PHC3: variants seen among roughly 807,000 people sequenced by gnomAD.
PHC3 encodes polyhomeotic-like protein 3.
PHC3 carries 13 observed loss-of-function variants against 107.4 expected under a neutral mutation model. The observed-to-expected ratio is 0.12, with a 90% CI of 0.08 to 0.19. The LOEUF is 0.19. Ranked by LOEUF, PHC3 falls within the 10% of genes least tolerant of loss-of-function variation. PHC3 has a pLI of 1.00. For missense variants in PHC3, 992 were observed against 1,210.9 expected, an observed-to-expected ratio of 0.82 and a Z score of 2.68; for synonymous variants, 456 against 427.4, an observed-to-expected ratio of 1.07 and a Z score of -0.83.
In PHC3 at chr3:170,119,850, C is replaced by T. The variant is rs182346210; in HGVS notation, c.1943-2374G>A. Among the ~76,000 whole-genome samples, 689 of 151,258 alleles carry T rather than the reference C, an allele frequency of 4.6e-3. 3 individuals carry two copies. Among genetic ancestry groups the T allele is most frequent in the African/African-American group, 0.016 (660 of 40,992 alleles). On this transcript the variant is annotated intron_variant, in intron 9 of 14. Coordinates refer to ENST00000495893, the MANE Select transcript of PHC3 (RefSeq NM_024947.4). ...TACTGTAAAAAAAAAAAAAATCAAC[C>T]TGTGCTTTAGTTCCCCCTCAAATAT...
At position 170,087,720 on chromosome 3, in the gene PHC3, TACA is replaced by T; in HGVS notation, c.*9507_*9509del. The stretch of plus-strand genomic sequence containing the variant: ...CATCCAGACCCACATGAAGCAATGT[TACA>T]ACAATATTCTATATGAAAATGTGCA... On this transcript the variant is annotated 3_prime_UTR_variant, in exon 15 of 15. Coordinates refer to ENST00000495893, the MANE Select transcript of PHC3 (RefSeq NM_024947.4). The T allele has an allele frequency of 6.6e-6, 1 of 152,288 alleles. No homozygotes were observed. Among genetic ancestry groups the T allele is most frequent in the African/African-American group, 2.4e-5 (1 of 41,570 alleles). 9.4% of individuals were successfully genotyped at this position (152,288 alleles called of 1,614,324 possible).
intron 14 of PHC3, among the ~76,000 whole-genome samples, chr3:170,100,429 G>A (rs778818056): frequency 2.0e-5 from 3 of 152,172 alleles, no homozygotes; most frequent in Non-Finnish European, 4.4e-5. Context: ...TGTGAGAAAG[G>A]TGATACAACT....
rs976494858 is a variant in PHC3, at chr3:170,118,475, G to A, written c.1943-999C>T. ...CACCCAGGCTGGAGTGCAGTGGCACGATCTCGGCTCACTGCAAGCTCTGCC... is the reference window on the plus strand; with the variant it reads ...CACCCAGGCTGGAGTGCAGTGGCACAATCTCGGCTCACTGCAAGCTCTGCC... On this transcript the variant is annotated intron_variant, in intron 9 of 14. Transcript: ENST00000495893. Among the ~76,000 whole-genome samples the A allele has an allele frequency of 3.3e-5, 5 of 152,222 alleles. No homozygotes were observed. The East Asian group carries it at 5.8e-4, about 18-fold the overall frequency.
At chr3:170,154,603 CAG>C (rs1413183337) in intron 4 of PHC3, among the ~76,000 whole-genome samples, 2 of 152,100 alleles carry the variant, frequency 1.3e-5, no homozygotes, top group Non-Finnish European at 2.9e-5. Context: ...AAAGTACAAA[CAG>C]AATGCTTTTA....
chr3:170,126,266 T>TA (rs889528514), intron 8 of PHC3, among the ~76,000 whole-genome samples: 17 of 151,568 alleles, frequency 1.1e-4, no homozygotes, highest in East Asian at 3.9e-4. Flanking sequence ...TCAAAGGTAA[T>TA]AAAAAAACAA....
chr3:170,163,461 A>AAAGAGTGT (rs1172447246), intron 4 of PHC3, among the ~76,000 whole-genome samples: 7 of 146,318 alleles, frequency 4.8e-5, no homozygotes, highest in African/African-American at 1.8e-4. Flanking sequence ...TTTAGTAAAG[A>AAAGAGTGT]GTGTGTGTGT....
At chr3:170,128,592 G>A in intron 8 of PHC3, 92 bp downstream of exon 8, 1 of 1,422,754 alleles carries the variant, frequency 7.0e-7, no homozygotes, top group Non-Finnish European at 9.4e-7. Context: ...TTAGTTCACA[G>A]GCATTTAGAT....
At chr3:170,140,584 C>CTTTTTTTTTT (rs57137783) in intron 6 of PHC3, among the ~76,000 whole-genome samples, 12 of 69,614 alleles carry the variant, frequency 1.7e-4, no homozygotes, top group East Asian at 5.1e-4. Flanking sequence ...ATTTCTTTTT[C>CTTTTTTTTTT]TTTTTTTTTT....
chr3:170,105,938 G>C (rs1576974343), intron 12 of PHC3, among the ~76,000 whole-genome samples: 1 of 152,158 alleles, frequency 6.6e-6, no homozygotes, highest in Admixed American at 6.5e-5. Flanking sequence ...TCAGCCAGGC[G>C]TGGTGGCTCA....
chr3:170,110,742 T>G (rs1484501103), intron 11 of PHC3, among the ~76,000 whole-genome samples: 1 of 152,186 alleles, frequency 6.6e-6, no homozygotes, highest in Admixed American at 6.5e-5. Flanking sequence ...TGTTCTAGAA[T>G]AGTCTAACAT....
At chr3:170,125,781 C>T (rs1721147957) in intron 8 of PHC3, among the ~76,000 whole-genome samples, 1 of 152,154 alleles carries the variant, frequency 6.6e-6, no homozygotes. Context: ...AAAAACAAAT[C>T]TGTCACAGAC....
chr3:170,100,591 T>C (rs1378309664), intron 14 of PHC3, among the ~76,000 whole-genome samples: 2 of 152,188 alleles, frequency 1.3e-5, no homozygotes, highest in Non-Finnish European at 2.9e-5. Context: ...TTATGATATA[T>C]AATGTTTTCT....
In PHC3 at chr3:170,129,073, G is replaced by A; in HGVS notation, c.1399C>T (p.His467Tyr). ...QATAQLNLPS[H>Y]LPLPASPVVH... ...ACAGGGGAAGCTGGAAGTGGAAGAT[G>A]GGATGGAAGATTCAACTGTGCTGTA... Residue 467 changes from histidine to tyrosine, a missense_variant, in exon 8 of 15, where the codon CAT becomes TAT. This residue lies in a region of PHC3 where 543 missense variants were observed against 590.8 expected (regional missense o/e 0.92). Coordinates refer to ENST00000495893, the MANE Select transcript of PHC3 (RefSeq NM_024947.4). 1 of 1,611,664 alleles carries A rather than the reference G, an allele frequency of 6.2e-7. No individual in the cohort carries two copies. Among genetic ancestry groups the A allele is most frequent in the East Asian group, 2.2e-5 (1 of 44,776 alleles).
Position 170,178,811 on chromosome 3 carries a change from T to C in PHC3, c.142A>G (p.Ile48Val), listed in dbSNP as rs781612127. 2 of 1,613,868 alleles carry C rather than the reference T, an allele frequency of 1.2e-6. No individual in the cohort carries two copies. The highest frequency in any genetic ancestry group is 2.7e-5 in the African/African-American group (2 of 74,912). ...CGGTCTGAACCACTGTAGACAGAGA[T>C]CTGTGGCTGCTGCATTCGAGAGGAG... ...TSSSRMQQPQ[I>V]SVYSGSDRHA... Residue 48 changes from isoleucine (I) to valine (V), a missense_variant, in exon 2 of 15, where the codon ATC becomes GTC. By Grantham distance (29) the Ile-to-Val change is conservative (BLOSUM62 3). This residue lies in a region of PHC3 where 161 missense variants were observed against 183.7 expected (regional missense o/e 0.88). Coordinates refer to ENST00000495893, the MANE Select transcript of PHC3 (RefSeq NM_024947.4).
intron 14 of PHC3, among the ~76,000 whole-genome samples, chr3:170,100,744 T>C (rs991697614): frequency 3.0e-4 from 45 of 152,274 alleles, no homozygotes; most frequent in African/African-American, 8.9e-4. Flanking sequence ...TCTGGTAAAG[T>C]AGCCACATGG....
intron 9 of PHC3, among the ~76,000 whole-genome samples, chr3:170,120,712 G>C (rs993825468): frequency 2.0e-5 from 3 of 152,188 alleles, no homozygotes; most frequent in African/African-American, 7.2e-5. Context: ...TACAATAGTA[G>C]TGAGGGAATA....
Position 170,095,912 on chromosome 3 carries a change from G to A in PHC3, c.*1318C>T, listed in dbSNP as rs1230193793. The A allele has an allele frequency of 2.0e-5, 3 of 152,132 alleles. No homozygotes were observed. Among genetic ancestry groups the A allele is most frequent in the Non-Finnish European group, 4.4e-5 (3 of 68,036 alleles). The allele number at this position is 152,132 out of a possible 1,614,324, so 9.4% of individuals were successfully genotyped here. On this transcript the variant is annotated 3_prime_UTR_variant, in exon 15 of 15. Coordinates refer to ENST00000495893, the MANE Select transcript of PHC3 (RefSeq NM_024947.4). ...AAATCACTTGGTAAGTGCTTTGCAGGAAGCATGCAAACGTTTGGTAAAGGA... is the reference window on the plus strand; with the variant it reads ...AAATCACTTGGTAAGTGCTTTGCAGAAAGCATGCAAACGTTTGGTAAAGGA...
At chr3:170,124,116 G>A (rs574041403) in intron 8 of PHC3, among the ~76,000 whole-genome samples, 24 of 152,164 alleles carry the variant, frequency 1.6e-4, no homozygotes, top group African/African-American at 5.8e-4. Context: ...CCAAAGTGCT[G>A]GGATTACAGG....
chr3:170,106,112 T>TTACTCAAGA (rs1716459324), intron 12 of PHC3, among the ~76,000 whole-genome samples: 1 of 152,096 alleles, frequency 6.6e-6, no homozygotes, highest in Non-Finnish European at 1.5e-5. Flanking sequence ...CTCAGGAGGC[T>TTACTCAAGA]GAGGCAGGAG....
Sources: gnomAD v4.1 joint callset for allele counts (sites outside exome capture counted in the v4.1 genomes callset) on GRCh38, gnomAD v4.1.1 for gene constraint, gnomAD v4.1.1 regional missense constraint, MANE v1.5 for transcripts, NCBI Gene and HGNC (gene_info 2026-07-23, HGNC 2026-07-21) for gene names.